The following RASEF variants were observed in gnomAD, a reference collection of about 807,000 sequenced individuals.
The protein encoded by RASEF is ras and EF-hand domain-containing protein.
Under a neutral mutation model 90.1 loss-of-function variants are expected in RASEF, and 68 were observed. The ratio of observed to expected loss-of-function variants is 0.75; its 90% CI spans 0.62 to 0.92. The LOEUF (loss-of-function observed/expected upper bound fraction) is 0.92, where lower values mean the gene tolerates loss of function less well. RASEF is among the 40% of genes least tolerant of loss of function. The pLI is 0.00. For synonymous variants in RASEF, 331 were observed against 345.2 expected, an observed-to-expected ratio of 0.96 and a Z score of 0.46; for missense variants, 949 against 937.2, an observed-to-expected ratio of 1.01 and a Z score of -0.16.
the RASEF span, among the ~76,000 whole-genome samples, chr9:83,171,792 T>A: frequency 6.6e-6 from 1 of 151,998 alleles, no homozygotes; most frequent in East Asian, 1.9e-4. Flanking sequence ...TGGTTTTATT[T>A]AATTTGGGTC....
At chr9:82,990,999 C>T (rs1434408315) in intron 15 of RASEF, among the ~76,000 whole-genome samples, 1 of 152,212 alleles carries the variant, frequency 6.6e-6, no homozygotes, top group East Asian at 1.9e-4. Context: ...CTGCTTCAAA[C>T]CTTTCAATGC....
At chr9:82,994,984 CAGTA>C (rs1828886676) in intron 14 of RASEF, among the ~76,000 whole-genome samples, 1 of 152,170 alleles carries the variant, frequency 6.6e-6, no homozygotes, top group South Asian at 2.1e-4. Flanking sequence ...AAATTAGAAA[CAGTA>C]AGCCATGGAG....
chr9:83,119,996 A>G, the RASEF span, among the ~76,000 whole-genome samples: 2 of 152,212 alleles, frequency 1.3e-5, no homozygotes, highest in Non-Finnish European at 2.9e-5. Flanking sequence ...CGTGCTTGTA[A>G]TATTTCACAA....
chr9:83,029,896 G>A (rs1829615138), intron 1 of RASEF, among the ~76,000 whole-genome samples: 1 of 152,306 alleles, frequency 6.6e-6, no homozygotes, highest in African/African-American at 2.4e-5. Flanking sequence ...GGTTGCAATA[G>A]TAAGCCATAT....
the RASEF span, among the ~76,000 whole-genome samples, chr9:83,174,073 A>G: frequency 6.6e-6 from 1 of 151,838 alleles, no homozygotes; most frequent in Non-Finnish European, 1.5e-5. Flanking sequence ...TAGATACATA[A>G]TTTGAAAATA....
At chr9:83,144,370 A>AGAAAGAAAGAAAG in the RASEF span, among the ~76,000 whole-genome samples, 1 of 60,944 alleles carries the variant, frequency 1.6e-5, no homozygotes, top group Non-Finnish European at 3.3e-5. Context: ...AAAGAAAGAA[A>AGAAAGAAAGAAAG]GAAAGAAAGA....
the RASEF span, among the ~76,000 whole-genome samples, chr9:83,175,109 A>G: frequency 2.6e-5 from 4 of 152,258 alleles, no homozygotes; most frequent in Admixed American, 2.6e-4. Flanking sequence ...CTGAATGCCT[A>G]TTATTTCTTT....
the RASEF span, among the ~76,000 whole-genome samples, chr9:83,196,884 T>C: frequency 6.6e-6 from 1 of 152,208 alleles, no homozygotes; most frequent in Non-Finnish European, 1.5e-5. Flanking sequence ...TCCAACACTG[T>C]CAGAACCATT....
chr9:83,205,850 T>G, the RASEF span, among the ~76,000 whole-genome samples: 1 of 152,204 alleles, frequency 6.6e-6, no homozygotes, highest in Non-Finnish European at 1.5e-5. Context: ...GCCTTTCCTC[T>G]CCACATTTAC....
chr9:83,085,884 C>A, the RASEF span, among the ~76,000 whole-genome samples: 1 of 151,754 alleles, frequency 6.6e-6, no homozygotes, highest in Non-Finnish European at 1.5e-5. Flanking sequence ...GAGATTGCGC[C>A]ACTACACTCT....
chr9:83,120,334 A>G, the RASEF span, among the ~76,000 whole-genome samples: 25 of 152,268 alleles, frequency 1.6e-4, no homozygotes, highest in African/African-American at 5.5e-4. Context: ...TCCTCATCCC[A>G]TGGAGCTCAT....
At chr9:83,063,176 T>G, upstream of RASEF, 18 of 346,694 alleles carry the variant, frequency 5.2e-5, no homozygotes, top group Middle Eastern at 7.5e-4. Context: ...TCTCGCCACT[T>G]TCCCGGCGGG....
intron 3 of RASEF, among the ~76,000 whole-genome samples, chr9:83,021,470 T>A (rs1829442874): frequency 1.3e-5 from 2 of 152,168 alleles, no homozygotes; most frequent in Non-Finnish European, 1.5e-5. Flanking sequence ...CCAAAAATAT[T>A]TTATAAAAAA....
At chr9:83,022,495 A>G in intron 2 of RASEF, 69 bp from the exon 3 acceptor site, 2 of 1,138,442 alleles carry the variant, frequency 1.8e-6, no homozygotes, top group Non-Finnish European at 1.3e-6. Flanking sequence ...GAAACTTCAG[A>G]TTCATCTACG....
chr9:83,207,337 T>C, the RASEF span, among the ~76,000 whole-genome samples: 1 of 152,196 alleles, frequency 6.6e-6, no homozygotes, highest in Non-Finnish European at 1.5e-5. Flanking sequence ...AGTTATTTCC[T>C]TGGGTCTCCG....
chr9:83,152,630 G>A, the RASEF span, among the ~76,000 whole-genome samples: 3 of 152,102 alleles, frequency 2.0e-5, no homozygotes, highest in African/African-American at 4.8e-5. Flanking sequence ...AATACCAAGT[G>A]GTTCCTTCCT....
At chr9:83,092,003 C>CTTTTTTTTTTTTTTTT in the RASEF span, among the ~76,000 whole-genome samples, 53 of 35,776 alleles carry the variant, frequency 1.5e-3, no homozygotes, top group African/African-American at 2.7e-3. Context: ...TCTTTTATTT[C>CTTTTTTTTTTTTTTTT]TTTTTTTTTT....
At chr9:83,189,783 G>A in the RASEF span, among the ~76,000 whole-genome samples, 2 of 152,164 alleles carry the variant, frequency 1.3e-5, no homozygotes, top group Non-Finnish European at 2.9e-5. Flanking sequence ...TAGCAAAAAT[G>A]TAATTACATC....
At chr9:83,086,693 C>G in the RASEF span, among the ~76,000 whole-genome samples, 1 of 152,144 alleles carries the variant, frequency 6.6e-6, no homozygotes, top group Non-Finnish European at 1.5e-5. Context: ...CAGTTCCTCA[C>G]TGGCTGTTGG....
Sources: gnomAD v4.1 joint callset for allele counts (sites outside exome capture counted in the v4.1 genomes callset) on GRCh38, gnomAD v4.1.1 for gene constraint, MANE v1.5 for transcripts, NCBI Gene and HGNC (gene_info 2026-07-23, HGNC 2026-07-21) for gene names.